The following CHODL variants were observed in gnomAD, a reference collection of about 807,000 sequenced individuals.
CHODL encodes chondrolectin.
A neutral mutation model predicts 34.5 loss-of-function variants in CHODL; 29 were observed. That is an observed-to-expected ratio of 0.84 (90% confidence interval 0.63 to 1.15). The LOEUF (loss-of-function observed/expected upper bound fraction) is 1.15. Among genes scored for constraint, CHODL ranks in the 50% most tolerant of loss-of-function variants. CHODL has a pLI of 0.00. For synonymous variants in CHODL, 125 were observed against 116.1 expected, an observed-to-expected ratio of 1.08 and a Z score of -0.49; for missense variants, 332 against 332.5, an observed-to-expected ratio of 1.00 and a Z score of 0.01.
At chr21:18,075,998 A>G (rs2064861292) in intron 2 of CHODL, among the ~76,000 whole-genome samples, 1 of 152,208 alleles carries the variant, frequency 6.6e-6, no homozygotes, top group South Asian at 2.1e-4. Flanking sequence ...ATCTGGAAGC[A>G]TCTCGATCTT....
chr21:18,226,494 T>C (rs2073932384), intron 2 of CHODL, among the ~76,000 whole-genome samples: 1 of 152,100 alleles, frequency 6.6e-6, no homozygotes. Flanking sequence ...AGACAGGGTT[T>C]CTTCATGTTG....
chr21:18,094,726 C>A (rs533558559), intron 2 of CHODL, among the ~76,000 whole-genome samples: 1 of 131,406 alleles, frequency 7.6e-6, no homozygotes. Flanking sequence ...AAATTTATAG[C>A]TATAAATGTC....
At chr21:18,029,928 G>T (rs879768425) in intron 2 of CHODL, among the ~76,000 whole-genome samples, 6 of 152,256 alleles carry the variant, frequency 3.9e-5, no homozygotes, top group Admixed American at 3.9e-4. Flanking sequence ...TGACCTGGCT[G>T]TGTTATTAGC....
intron 1 of CHODL, among the ~76,000 whole-genome samples, chr21:18,250,317 T>TC (rs1491511249): frequency 6.6e-6 from 1 of 150,504 alleles, no homozygotes; most frequent in African/African-American, 2.5e-5. Flanking sequence ...AATATTCTGA[T>TC]TTTTTAAAAA....
At chr21:18,112,078 G>A (rs1406842230) in intron 2 of CHODL, among the ~76,000 whole-genome samples, 1 of 152,160 alleles carries the variant, frequency 6.6e-6, no homozygotes, top group African/African-American at 2.4e-5. Context: ...ATATGTCAGT[G>A]CCCTCAACAG....
intron 1 of CHODL, among the ~76,000 whole-genome samples, chr21:18,000,742 G>A (rs1327889466): frequency 6.6e-6 from 1 of 152,070 alleles, no homozygotes; most frequent in African/African-American, 2.4e-5. Flanking sequence ...TCCCCACACT[G>A]GTAATAAATT....
At chr21:17,918,128 C>T (rs1179038826) in intron 1 of CHODL, among the ~76,000 whole-genome samples, 1 of 152,000 alleles carries the variant, frequency 6.6e-6, no homozygotes, top group Non-Finnish European at 1.5e-5. Flanking sequence ...GAGGCTGATA[C>T]TGGTGGGGTA....
intron 2 of CHODL, among the ~76,000 whole-genome samples, chr21:18,206,569 C>T (rs1052663478): frequency 3.3e-5 from 5 of 150,712 alleles, no homozygotes; most frequent in African/African-American, 1.2e-4. Context: ...AGATTGTTGG[C>T]TCTTGTGTTT....
intron 1 of CHODL, among the ~76,000 whole-genome samples, chr21:17,947,544 G>GAC (rs34768313): frequency 0.24 from 36,484 of 149,572 alleles, 4,901 homozygotes; most frequent in South Asian, 0.39. Flanking sequence ...CACACACACA[G>GAC]ACACACACAC....
intron 2 of CHODL, among the ~76,000 whole-genome samples, chr21:18,103,358 T>C (rs935928867): frequency 7.2e-5 from 11 of 152,200 alleles, no homozygotes; most frequent in Non-Finnish European, 1.3e-4. Flanking sequence ...TAGGCCTTGA[T>C]ATTAAAACAA....
intron 1 of CHODL, among the ~76,000 whole-genome samples, chr21:17,985,823 G>T (rs2063749363): frequency 6.6e-6 from 1 of 152,142 alleles, no homozygotes. Context: ...ATTCTGGGTA[G>T]CTTAAATAGC....
At chr21:18,074,954 T>G (rs2064847579) in intron 2 of CHODL, among the ~76,000 whole-genome samples, 1 of 152,126 alleles carries the variant, frequency 6.6e-6, no homozygotes, top group Non-Finnish European at 1.5e-5. Context: ...CCACAGTAGT[T>G]TGATAAAGAG....
chr21:18,144,113 T>C (rs1029933065), intron 2 of CHODL, among the ~76,000 whole-genome samples: 3 of 152,140 alleles, frequency 2.0e-5, no homozygotes, highest in Non-Finnish European at 4.4e-5. Context: ...TTATCTTTGA[T>C]TGGATAATAG....
chr21:17,944,967 T>G (rs1317650139), intron 1 of CHODL, among the ~76,000 whole-genome samples: 1 of 152,110 alleles, frequency 6.6e-6, no homozygotes, highest in African/African-American at 2.4e-5. Flanking sequence ...TCCCAGCACT[T>G]TGGAGGGCCA....
intron 2 of CHODL, among the ~76,000 whole-genome samples, chr21:18,227,737 A>C (rs1193757947): frequency 4.6e-5 from 7 of 152,162 alleles, no homozygotes; most frequent in Admixed American, 4.6e-4. Flanking sequence ...TTAAATAATA[A>C]AATTGTATAA....
intron 2 of CHODL, among the ~76,000 whole-genome samples, chr21:18,205,896 C>T (rs1482866989): frequency 6.6e-6 from 1 of 152,102 alleles, no homozygotes; most frequent in African/African-American, 2.4e-5. Context: ...GCCACCATGC[C>T]TGGCTAATTT....
At chr21:17,920,775 C>T (rs1373874535) in intron 1 of CHODL, among the ~76,000 whole-genome samples, 1 of 152,164 alleles carries the variant, frequency 6.6e-6, no homozygotes, top group Admixed American at 6.5e-5. Context: ...TGACTGTATA[C>T]TGCTAGTGAG....
intron 2 of CHODL, 34 bp from the exon 3 acceptor site, chr21:18,256,936 G>T: frequency 6.2e-7 from 1 of 1,601,182 alleles, no homozygotes; most frequent in Non-Finnish European, 8.5e-7. Context: ...TAGTAGGCAT[G>T]TATCTGAGTG....
In CHODL at chr21:18,056,826, A is replaced by C. The variant is rs375394640; in HGVS notation, c.-45+28855A>C. The stretch of plus-strand genomic sequence containing the variant: ...AGGAGATTAATGGTAGGTATTTTAT[A>C]GTTTGTTTTCTTTTCTCCTCCCCAT... On this transcript the variant is annotated intron_variant, in intron 2 of 6. Coordinates refer to the CHODL transcript ENST00000400127. 2.9e-3 allele frequency among the ~76,000 whole-genome samples: 437 copies of C among 152,036 alleles called. 7 individuals carry two copies. In the Middle Eastern group the frequency reaches 0.071, roughly 25 times the overall value.
Sources: gnomAD v4.1 joint callset for allele counts (sites outside exome capture counted in the v4.1 genomes callset) on GRCh38, gnomAD v4.1.1 for gene constraint, MANE v1.5 for transcripts, NCBI Gene and HGNC (gene_info 2026-07-23, HGNC 2026-07-21) for gene names.